PDE1A: variants seen among roughly 807,000 people sequenced by gnomAD.
PDE1A encodes the protein dual specificity calcium/calmodulin-dependent 3',5'-cyclic nucleotide phosphodiesterase 1A.
Under a neutral mutation model 61.7 loss-of-function variants are expected in PDE1A, and 35 were observed. That is an observed-to-expected ratio of 0.57 (90% CI 0.43 to 0.75). PDE1A has a LOEUF of 0.75. PDE1A is among the 30% of genes least tolerant of loss of function. PDE1A has a pLI of 0.00. For synonymous variants in PDE1A, 232 were observed against 213.2 expected, an observed-to-expected ratio of 1.09 and a Z score of -0.77; for missense variants, 597 against 630.6, an observed-to-expected ratio of 0.95 and a Z score of 0.57.
At chr2:182,309,488 A>G (rs1401992383) in intron 1 of PDE1A, among the ~76,000 whole-genome samples, 1 of 152,112 alleles carries the variant, frequency 6.6e-6, no homozygotes, top group African/African-American at 2.4e-5. Context: ...ATAAGTACCC[A>G]AAGTGTCAGA....
chr2:182,413,442 A>C (rs190803166), intron 1 of PDE1A, among the ~76,000 whole-genome samples: 99 of 152,330 alleles, frequency 6.5e-4, no homozygotes, highest in Non-Finnish European at 1.8e-4. Flanking sequence ...TTCTAAGGAC[A>C]TAAATGAAAG....
intron 7 of PDE1A, among the ~76,000 whole-genome samples, chr2:182,208,273 G>A (rs535447721): frequency 1.4e-4 from 22 of 152,218 alleles, no homozygotes; most frequent in Admixed American, 4.6e-4. Flanking sequence ...CATGGCTGGT[G>A]GGGGCAGGGG....
At chr2:182,496,341 A>T (rs1404382847) in intron 2 of PDE1A, among the ~76,000 whole-genome samples, 1 of 152,240 alleles carries the variant, frequency 6.6e-6, no homozygotes, top group African/African-American at 2.4e-5. Context: ...TATTTTAGAT[A>T]ATCATTCCAT....
intron 13 of PDE1A, among the ~76,000 whole-genome samples, chr2:182,153,242 T>C (rs1170038750): frequency 1.2e-4 from 18 of 152,082 alleles, no homozygotes; most frequent in Admixed American, 1.2e-3. Context: ...ATGTGGGAGG[T>C]AGTTCAGCTG....
upstream of PDE1A, among the ~76,000 whole-genome samples, chr2:182,429,397 T>C (rs13410703): frequency 5.7e-3 from 869 of 152,188 alleles, 5 homozygotes; most frequent in African/African-American, 0.019. Flanking sequence ...CTAAAATATA[T>C]GGCATAAATA....
intron 2 of PDE1A, among the ~76,000 whole-genome samples, chr2:182,456,211 C>T (rs1042925629): frequency 6.6e-6 from 1 of 151,966 alleles, no homozygotes; most frequent in African/African-American, 2.4e-5. Context: ...ATCCACTTTA[C>T]CAGGGAACTT....
At chr2:182,558,418 T>C in the PDE1A span, among the ~76,000 whole-genome samples, 5 of 152,138 alleles carry the variant, frequency 3.3e-5, no homozygotes, top group African/African-American at 1.2e-4. Context: ...ATATCTCTAT[T>C]TAGCCCTTTG....
chr2:182,260,796 A>G (rs546784063), intron 2 of PDE1A, among the ~76,000 whole-genome samples: 65 of 152,304 alleles, frequency 4.3e-4, no homozygotes, highest in African/African-American at 1.5e-3. Flanking sequence ...GTGCACTTTC[A>G]TCAAACTTCA....
the PDE1A span, among the ~76,000 whole-genome samples, chr2:182,629,838 G>GT: frequency 6.6e-6 from 1 of 152,176 alleles, no homozygotes; most frequent in Non-Finnish European, 1.5e-5. Flanking sequence ...ATGCTAAAAT[G>GT]TAAGTTACTA....
the PDE1A span, among the ~76,000 whole-genome samples, chr2:182,543,340 C>T: frequency 2.0e-5 from 3 of 152,168 alleles, no homozygotes; most frequent in Non-Finnish European, 4.4e-5. Context: ...CATTGTAAGA[C>T]AAAACCCTAA....
the PDE1A span, among the ~76,000 whole-genome samples, chr2:182,575,235 A>C: frequency 6.6e-6 from 1 of 152,084 alleles, no homozygotes; most frequent in Non-Finnish European, 1.5e-5. Context: ...TTAATCACAG[A>C]GTATGATAAT....
intron 1 of PDE1A, among the ~76,000 whole-genome samples, chr2:182,290,093 T>C (rs1291313171): frequency 6.6e-6 from 1 of 152,092 alleles, no homozygotes; most frequent in East Asian, 1.9e-4. Context: ...TGGAATTAAA[T>C]TAAAAAATTA....
chr2:182,264,096 G>T (rs553877297), intron 2 of PDE1A, among the ~76,000 whole-genome samples: 1 of 152,138 alleles, frequency 6.6e-6, no homozygotes, highest in Non-Finnish European at 1.5e-5. Context: ...TCAAACATTT[G>T]GATTAAAATG....
chr2:182,406,612 A>T (rs1702311052), intron 1 of PDE1A, among the ~76,000 whole-genome samples: 1 of 152,172 alleles, frequency 6.6e-6, no homozygotes, highest in South Asian at 2.1e-4. Flanking sequence ...CATGTTGGAT[A>T]TTGGAGTAGA....
intron 3 of PDE1A, among the ~76,000 whole-genome samples, chr2:182,235,299 A>G (rs1689923617): frequency 6.6e-6 from 1 of 152,136 alleles, no homozygotes. Flanking sequence ...ATGCGCCACC[A>G]TGCCCAACTA....
the PDE1A span, among the ~76,000 whole-genome samples, chr2:182,596,690 G>C: frequency 3.3e-5 from 5 of 150,168 alleles, no homozygotes; most frequent in Non-Finnish European, 3.0e-5. Flanking sequence ...TGGATGGATG[G>C]ATGGATGGAT....
At chr2:182,438,914 T>C (rs1205554631) in intron 2 of PDE1A, among the ~76,000 whole-genome samples, 2 of 151,952 alleles carry the variant, frequency 1.3e-5, no homozygotes, top group African/African-American at 4.8e-5. Flanking sequence ...CAAGTATGGG[T>C]ATAGGGATAT....
At chr2:182,324,889 T>G (rs1210872502) in intron 1 of PDE1A, among the ~76,000 whole-genome samples, 1 of 152,212 alleles carries the variant, frequency 6.6e-6, no homozygotes, top group Non-Finnish European at 1.5e-5. Flanking sequence ...TAAGTGTTTA[T>G]TACGTGCCAG....
chr2:182,352,074 G>T (rs766372747), intron 1 of PDE1A, among the ~76,000 whole-genome samples: 13 of 152,188 alleles, frequency 8.5e-5, no homozygotes, highest in Non-Finnish European at 1.8e-4. Context: ...GTGCTGCCGT[G>T]TGTGCACCAA....
Sources: gnomAD v4.1 joint callset for allele counts (sites outside exome capture counted in the v4.1 genomes callset) on GRCh38, gnomAD v4.1.1 for gene constraint, MANE v1.5 for transcripts, NCBI Gene and HGNC (gene_info 2026-07-23, HGNC 2026-07-21) for gene names.